The following CACNA1C variants were observed in gnomAD, a reference collection of about 807,000 sequenced individuals.
The protein encoded by CACNA1C is calcium voltage-gated channel subunit alpha1 C.
A neutral mutation model predicts 229.0 loss-of-function variants in CACNA1C; 30 were observed. The ratio of observed to expected loss-of-function variants is 0.13; its 90% CI spans 0.10 to 0.18. CACNA1C has a LOEUF of 0.18. CACNA1C is among the 10% of genes least tolerant of loss of function. The pLI is 1.00. For synonymous variants in CACNA1C, 1,114 were observed against 1,132.5 expected (o/e 0.98, Z 0.33); for missense variants, 1,658 against 2,845.0 (o/e 0.58, Z 9.49).
chr12:2,373,425 C>T (rs575802343), intron 3 of CACNA1C, among the ~76,000 whole-genome samples: 1 of 152,172 alleles, frequency 6.6e-6, no homozygotes, highest in East Asian at 1.9e-4. Context: ...GGGGAGGCTG[C>T]AAAGTGAGTG....
intron 2 of CACNA1C, among the ~76,000 whole-genome samples, chr12:2,118,406 T>C (rs113685952): frequency 0.013 from 1,958 of 152,172 alleles, 50 homozygotes; most frequent in African/African-American, 0.044. Context: ...AGAGGTGGCG[T>C]GGTAGGAGGG....
chr12:2,020,615 A>G (rs1039374341), intron 1 of CACNA1C: 2 of 152,224 alleles, frequency 1.3e-5, no homozygotes, highest in African/African-American at 4.8e-5. Flanking sequence ...CTATAAGTAC[A>G]CTTGGCTACA....
intron 1 of CACNA1C, among the ~76,000 whole-genome samples, chr12:2,083,187 C>G (rs1439645551): frequency 6.6e-6 from 1 of 152,208 alleles, no homozygotes; most frequent in Non-Finnish European, 1.5e-5. Context: ...TCATTCCATA[C>G]CAAAGGGATT....
chr12:2,295,256 C>A (rs1325706975), intron 3 of CACNA1C, among the ~76,000 whole-genome samples: 1 of 152,222 alleles, frequency 6.6e-6, no homozygotes, highest in Admixed American at 6.5e-5. Context: ...TATGGTCAAG[C>A]AGATGAATTC....
At chr12:2,293,805 C>T (rs530825826) in intron 3 of CACNA1C, among the ~76,000 whole-genome samples, 82 of 152,304 alleles carry the variant, frequency 5.4e-4, no homozygotes, top group Non-Finnish European at 5.7e-4. Flanking sequence ...ATCCCTACCA[C>T]GGCCTAAAAT....
chr12:2,168,804 A>G (rs1366371535), intron 3 of CACNA1C, among the ~76,000 whole-genome samples: 1 of 152,198 alleles, frequency 6.6e-6, no homozygotes, highest in Non-Finnish European at 1.5e-5. Context: ...AAGCTATTCT[A>G]TGATGGTCTT....
chr12:2,221,433 G>A (rs776128079), intron 3 of CACNA1C, among the ~76,000 whole-genome samples: 4 of 152,196 alleles, frequency 2.6e-5, no homozygotes, highest in Non-Finnish European at 4.4e-5. Context: ...TGGCCAGTGG[G>A]ATGAATGCAA....
At chr12:2,445,666 G>A (rs2099270573) in intron 3 of CACNA1C, among the ~76,000 whole-genome samples, 1 of 152,090 alleles carries the variant, frequency 6.6e-6, no homozygotes, top group African/African-American at 2.4e-5. Flanking sequence ...CCAAGTGGAG[G>A]GCCCTCACCA....
At chr12:2,549,572 T>G (rs1426830366) in intron 9 of CACNA1C, among the ~76,000 whole-genome samples, 3 of 152,204 alleles carry the variant, frequency 2.0e-5, no homozygotes, top group African/African-American at 7.2e-5. Flanking sequence ...TCATGAAAGC[T>G]CCTCTTTCTG....
rs1364046508 is a variant in CACNA1C at position 2,654,447 on chromosome 12, A to G, written c.4140+547A>G. On this transcript the variant is annotated intron_variant, in intron 33 of 46. Transcript: ENST00000399655. The surrounding 1 kb of genome is among the most constrained non-coding windows in gnomAD (Gnocchi z 4.4). ...TCCCCTCCCAGGTGCCCACTGCACCATTCACCGCAAACCTAGGGCTCTCCA... is the reference window on the plus strand; with the variant it reads ...TCCCCTCCCAGGTGCCCACTGCACCGTTCACCGCAAACCTAGGGCTCTCCA... Among the ~76,000 whole-genome samples the G allele has an allele frequency of 6.6e-6, 1 of 152,202 alleles. No individual in the cohort carries two copies. Among genetic ancestry groups the G allele is most frequent in the Non-Finnish European group, 1.5e-5 (1 of 68,020 alleles).
chr12:2,445,500 A>G (rs1041285322), intron 3 of CACNA1C, among the ~76,000 whole-genome samples: 4 of 152,202 alleles, frequency 2.6e-5, no homozygotes, highest in African/African-American at 9.6e-5. Flanking sequence ...AGGATGCAGG[A>G]CAAATGTTAC....
At chr12:2,397,927 C>T (rs1374453450) in intron 3 of CACNA1C, among the ~76,000 whole-genome samples, 1 of 152,244 alleles carries the variant, frequency 6.6e-6, no homozygotes, top group African/African-American at 2.4e-5. Flanking sequence ...CCTTGGCAGG[C>T]AGGAAGGACT....
chr12:2,526,550 T>C (rs1022001343), intron 9 of CACNA1C, among the ~76,000 whole-genome samples: 3 of 152,280 alleles, frequency 2.0e-5, no homozygotes, highest in Admixed American at 2.0e-4. Context: ...ACTTGCACTT[T>C]ACTGATAAGG....
At chr12:2,201,148 C>T (rs910748674) in intron 3 of CACNA1C, among the ~76,000 whole-genome samples, 1 of 152,110 alleles carries the variant, frequency 6.6e-6, no homozygotes, top group Non-Finnish European at 1.5e-5. Context: ...AATTGGGAGT[C>T]TTACAGCTTT....
intron 29 of CACNA1C, among the ~76,000 whole-genome samples, chr12:2,622,357 G>A (rs774657531): frequency 6.6e-6 from 1 of 152,094 alleles, no homozygotes; most frequent in Non-Finnish European, 1.5e-5. Context: ...GTCATTCAGT[G>A]GGGGAACTGC....
chr12:2,648,345 C>T (rs1185554140), intron 30 of CACNA1C, 130 bp from the exon 31 acceptor site: 22 of 849,110 alleles, frequency 2.6e-5, no homozygotes, highest in East Asian at 1.0e-4. Flanking sequence ...TACGCTTTCA[C>T]GTTTCTTTCA....
intron 3 of CACNA1C, among the ~76,000 whole-genome samples, chr12:2,363,106 GCCCTCCAGAGGAACACTC>G (rs1477648056): frequency 6.6e-6 from 1 of 152,082 alleles, no homozygotes; most frequent in African/African-American, 2.4e-5. Flanking sequence ...TCACAGTATG[GCCCTCCAGAGGAACACTC>G]CCCTCACCCA....
chr12:2,543,203 T>G (rs370595998), intron 9 of CACNA1C, among the ~76,000 whole-genome samples: 1 of 152,190 alleles, frequency 6.6e-6, no homozygotes, highest in East Asian at 1.9e-4. Context: ...TTCCCCAGCA[T>G]TCTCCTTCCC....
intron 13 of CACNA1C, among the ~76,000 whole-genome samples, chr12:2,568,696 A>T (rs773169639): frequency 6.6e-6 from 1 of 152,152 alleles, no homozygotes; most frequent in South Asian, 2.1e-4. Context: ...GATTCCATTT[A>T]TATGTGGCTC....
Sources: gnomAD v4.1 joint callset for allele counts (sites outside exome capture counted in the v4.1 genomes callset) on GRCh38, gnomAD v4.1.1 for gene constraint, Gnocchi (gnomAD v3.1) non-coding constraint, MANE v1.5 for transcripts, NCBI Gene and HGNC (gene_info 2026-07-23, HGNC 2026-07-21) for gene names.